MAGI2: variants seen among roughly 807,000 people sequenced by gnomAD.
The protein encoded by MAGI2 is membrane associated guanylate kinase, WW and PDZ domain containing 2, also known as membrane-associated guanylate kinase, WW and PDZ domain-containing protein 2.
MAGI2 carries 35 observed loss-of-function variants against 133.3 expected under a neutral mutation model. The ratio of observed to expected loss-of-function variants is 0.26; its 90% CI spans 0.20 to 0.35. The LOEUF (loss-of-function observed/expected upper bound fraction) is 0.35. Ranked by LOEUF, MAGI2 falls within the 10% of genes least tolerant of loss-of-function variation. The pLI, the probability that MAGI2 is intolerant of heterozygous loss-of-function variation, is 1.00. For missense variants in MAGI2, 1,636 were observed against 1,863.4 expected (o/e 0.88, Z 2.25); for synonymous variants, 729 against 710.6 (o/e 1.03, Z -0.41).
chr7:79,133,433 T>C (rs894450878), intron 1 of MAGI2, among the ~76,000 whole-genome samples: 6 of 152,196 alleles, frequency 3.9e-5, no homozygotes, highest in Admixed American at 1.3e-4. Flanking sequence ...TATGTTTTTG[T>C]TTGCTTTGCC....
At chr7:78,312,662 AG>A (rs1445995110) in intron 9 of MAGI2, among the ~76,000 whole-genome samples, 2 of 152,176 alleles carry the variant, frequency 1.3e-5, no homozygotes, top group Non-Finnish European at 2.9e-5. Context: ...GAAGACATGG[AG>A]AAAACGAAAT....
At chr7:78,391,478 C>T (rs1478787641) in intron 6 of MAGI2, among the ~76,000 whole-genome samples, 1 of 152,178 alleles carries the variant, frequency 6.6e-6, no homozygotes, top group Non-Finnish European at 1.5e-5. Context: ...AATTCACTCT[C>T]TCAAAAAGTA....
At chr7:78,793,611 G>GA (rs1283145418) in intron 2 of MAGI2, among the ~76,000 whole-genome samples, 1 of 152,026 alleles carries the variant, frequency 6.6e-6, no homozygotes, top group Non-Finnish European at 1.5e-5. Context: ...GGGCAAAGGA[G>GA]AAAAAATGTG....
At chr7:78,526,219 G>C (rs1796936998) in intron 3 of MAGI2, among the ~76,000 whole-genome samples, 1 of 152,186 alleles carries the variant, frequency 6.6e-6, no homozygotes, top group Admixed American at 6.5e-5. Context: ...AACTCATAGA[G>C]GAGAACTTCA....
intron 1 of MAGI2, chr7:79,125,735 C>A: frequency 1.9e-6 from 1 of 521,746 alleles, no homozygotes; most frequent in Non-Finnish European, 3.8e-6. Context: ...ATGGCCAAGG[C>A]CAATACTTTG....
chr7:78,192,236 C>G (rs1027155780), intron 12 of MAGI2, among the ~76,000 whole-genome samples: 3 of 152,138 alleles, frequency 2.0e-5, no homozygotes, highest in East Asian at 3.9e-4. Context: ...TTTCCCCCCC[C>G]AGGAAAAGAC....
chr7:79,047,628 A>C (rs1015524626), intron 1 of MAGI2, among the ~76,000 whole-genome samples: 19 of 152,162 alleles, frequency 1.2e-4, no homozygotes, highest in Non-Finnish European at 1.5e-5. Context: ...CCTATTGAAA[A>C]AATACACAGT....
chr7:78,612,309 G>A (rs1360623766), intron 3 of MAGI2, among the ~76,000 whole-genome samples: 1 of 151,574 alleles, frequency 6.6e-6, no homozygotes, highest in African/African-American at 2.4e-5. Flanking sequence ...AAGCAAGTGT[G>A]GTCTCAAATT....
chr7:79,428,881 T>C (rs1187571998), intron 1 of MAGI2, among the ~76,000 whole-genome samples: 1 of 152,178 alleles, frequency 6.6e-6, no homozygotes, highest in Non-Finnish European at 1.5e-5. Context: ...ACAAAAACAT[T>C]TATCTGTCTG....
chr7:78,512,847 A>C (rs1194837097), intron 4 of MAGI2, among the ~76,000 whole-genome samples: 1 of 152,246 alleles, frequency 6.6e-6, no homozygotes, highest in East Asian at 1.9e-4. Context: ...TTATGAAAAT[A>C]GAAAATTCAA....
In MAGI2 at chr7:78,627,175, T is replaced by G. The variant is rs201592062; in HGVS notation, c.483A>C (p.Glu161Asp). The change falls in exon 3 of 22, where the codon GAA (glutamate) becomes GAC (aspartate). Residue 161 changes from glutamate (E) to aspartate (D), a missense_variant. This residue lies in a region of MAGI2 where 148 missense variants were observed against 239.0 expected (regional missense o/e 0.62). Coordinates refer to ENST00000354212, the MANE Select transcript of MAGI2 (RefSeq NM_012301.4). ...PGVDYIFITV[E>D]DFMELEKSGA... Reference sequence around the variant, plus strand: ...CACTTTTCTCCAATTCCATAAAATCTTCAACAGTGATGAAAATATAATCCA... The same window carrying G: ...CACTTTTCTCCAATTCCATAAAATCGTCAACAGTGATGAAAATATAATCCA... The G allele has an allele frequency of 6.3e-6, 10 of 1,598,454 alleles. No individual in the cohort carries two copies. In the African/African-American group the frequency reaches 1.2e-4, roughly 19 times the overall value.
intron 2 of MAGI2, among the ~76,000 whole-genome samples, chr7:78,725,534 C>T (rs950618968): frequency 1.5e-4 from 23 of 152,218 alleles, no homozygotes; most frequent in Admixed American, 1.2e-3. Flanking sequence ...CACGGTGGCT[C>T]ACGCCTATAA....
intron 1 of MAGI2, among the ~76,000 whole-genome samples, chr7:79,268,535 T>C (rs1247221538): frequency 2.6e-5 from 4 of 152,206 alleles, no homozygotes; most frequent in Non-Finnish European, 5.9e-5. Flanking sequence ...ATATTACTCA[T>C]AACAATTGTC....
chr7:78,201,100 T>A, intron 11 of MAGI2, 62 bp downstream of exon 11: 1 of 1,145,618 alleles, frequency 8.7e-7, no homozygotes, highest in Non-Finnish European at 1.2e-6. Flanking sequence ...ATTCAACTTT[T>A]ATTAAATGAA....
At chr7:79,029,759 A>G (rs1444162408) in intron 1 of MAGI2, among the ~76,000 whole-genome samples, 2 of 152,176 alleles carry the variant, frequency 1.3e-5, no homozygotes, top group Admixed American at 1.3e-4. Context: ...ATTCAACCAG[A>G]GAACTGTAAA....
chr7:78,738,087 A>G (rs372367902), intron 2 of MAGI2, among the ~76,000 whole-genome samples: 1 of 152,036 alleles, frequency 6.6e-6, no homozygotes, highest in East Asian at 1.9e-4. Context: ...GTTTATTATT[A>G]TTGTAAATTA....
At chr7:78,738,466 G>C (rs1822081552) in intron 2 of MAGI2, among the ~76,000 whole-genome samples, 1 of 151,982 alleles carries the variant, frequency 6.6e-6, no homozygotes, top group African/African-American at 2.4e-5. Context: ...GTCACATTAT[G>C]GTATTGATGC....
chr7:79,312,531 A>G (rs1445947450), intron 1 of MAGI2, among the ~76,000 whole-genome samples: 1 of 152,156 alleles, frequency 6.6e-6, no homozygotes, highest in Non-Finnish European at 1.5e-5. Context: ...AGCCTCACCA[A>G]CACAGTCTGG....
At chr7:78,044,667 G>A (rs2151092509) in intron 21 of MAGI2, among the ~76,000 whole-genome samples, 1 of 143,350 alleles carries the variant, frequency 7.0e-6, no homozygotes. Flanking sequence ...TGCCTTGTGA[G>A]GCTAATGTAC....
Sources: allele counts gnomAD v4.1 joint callset (sites outside exome capture counted in the v4.1 genomes callset), GRCh38; gene constraint gnomAD v4.1.1; regional missense constraint gnomAD v4.1.1; transcripts MANE v1.5; gene names NCBI Gene and HGNC (gene_info 2026-07-23, HGNC 2026-07-21).